ATRNL1: variants seen among roughly 807,000 people sequenced by gnomAD.
The protein encoded by ATRNL1 is attractin-like protein 1.
ATRNL1 carries 95 observed loss-of-function variants against 182.7 expected under a neutral mutation model. That is an observed-to-expected ratio of 0.52 (90% CI 0.44 to 0.62). The LOEUF (loss-of-function observed/expected upper bound fraction) is 0.62. ATRNL1 is among the 20% of genes least tolerant of loss of function. The pLI, the probability that ATRNL1 is intolerant of heterozygous loss-of-function variation, is 0.00. For missense variants in ATRNL1, 1,471 were observed against 1,679.5 expected (o/e 0.88, Z 2.17); for synonymous variants, 576 against 568.3 (o/e 1.01, Z -0.19).
chr10:115,298,681 G>A (rs941481909), intron 15 of ATRNL1, among the ~76,000 whole-genome samples: 1 of 152,204 alleles, frequency 6.6e-6, no homozygotes, highest in Non-Finnish European at 1.5e-5. Flanking sequence ...GAAGCAGCAT[G>A]TGTGTTTTTA....
At chr10:115,702,184 A>G (rs1304813892) in intron 26 of ATRNL1, among the ~76,000 whole-genome samples, 1 of 152,006 alleles carries the variant, frequency 6.6e-6, no homozygotes, top group Non-Finnish European at 1.5e-5. Flanking sequence ...GATCATCTCA[A>G]TAGACACCAA....
intron 28 of ATRNL1, among the ~76,000 whole-genome samples, chr10:115,906,190 C>T (rs1364559059): frequency 1.3e-5 from 2 of 152,012 alleles, no homozygotes; most frequent in African/African-American, 4.8e-5. Context: ...ATAATTATAA[C>T]TTATATTTAC....
intron 5 of ATRNL1, among the ~76,000 whole-genome samples, chr10:115,134,665 A>G (rs1554876168): frequency 6.6e-6 from 1 of 152,172 alleles, no homozygotes; most frequent in Non-Finnish European, 1.5e-5. Context: ...AAAAGAGGGA[A>G]TCCTCCCTAA....
chr10:115,718,812 G>A (rs980941524), intron 26 of ATRNL1, among the ~76,000 whole-genome samples: 5 of 152,188 alleles, frequency 3.3e-5, no homozygotes, highest in Non-Finnish European at 7.3e-5. Flanking sequence ...GGCTACATAA[G>A]TACTTCCTCC....
chr10:115,254,847 T>G (rs2133852565), intron 10 of ATRNL1, among the ~76,000 whole-genome samples: 1 of 152,320 alleles, frequency 6.6e-6, no homozygotes, highest in East Asian at 1.9e-4. Flanking sequence ...TTCAGCTTTC[T>G]ACATATGGCT....
At chr10:115,774,394 C>A (rs1386023221) in intron 27 of ATRNL1, among the ~76,000 whole-genome samples, 1 of 140,714 alleles carries the variant, frequency 7.1e-6, no homozygotes, top group Admixed American at 7.6e-5. Context: ...CACTGCACTC[C>A]AGCCTGGGCG....
At chr10:115,167,924 T>A (rs1188676166) in intron 7 of ATRNL1, among the ~76,000 whole-genome samples, 1 of 152,086 alleles carries the variant, frequency 6.6e-6, no homozygotes, top group Non-Finnish European at 1.5e-5. Context: ...AGTTGTGTAA[T>A]CACTTTTAGA....
intron 26 of ATRNL1, among the ~76,000 whole-genome samples, chr10:115,715,895 C>G (rs782062892): frequency 2.5e-4 from 38 of 152,278 alleles, no homozygotes; most frequent in Non-Finnish European, 4.0e-4. Flanking sequence ...ACTTAGTAAC[C>G]TCCAGTATTC....
At chr10:115,631,594 A>G (rs541871570) in intron 26 of ATRNL1, among the ~76,000 whole-genome samples, 1 of 152,150 alleles carries the variant, frequency 6.6e-6, no homozygotes, top group Non-Finnish European at 1.5e-5. Flanking sequence ...CTCAACAGTA[A>G]CATAATTATA....
At chr10:115,443,716 C>T (rs1277766390) in intron 21 of ATRNL1, among the ~76,000 whole-genome samples, 1 of 151,922 alleles carries the variant, frequency 6.6e-6, no homozygotes, top group South Asian at 2.1e-4. Flanking sequence ...CTTTGGACAT[C>T]GCAATTTTTA....
intron 5 of ATRNL1, among the ~76,000 whole-genome samples, chr10:115,152,902 T>G (rs1846311066): frequency 2.0e-5 from 3 of 152,062 alleles, no homozygotes; most frequent in Non-Finnish European, 4.4e-5. Flanking sequence ...AATACCGAAT[T>G]TATTGAGATT....
intron 26 of ATRNL1, among the ~76,000 whole-genome samples, chr10:115,579,374 A>G (rs1565182569): frequency 2.0e-5 from 3 of 151,776 alleles, no homozygotes; most frequent in African/African-American, 7.2e-5. Flanking sequence ...CTGATCTAAG[A>G]TGCATATATA....
intron 26 of ATRNL1, among the ~76,000 whole-genome samples, chr10:115,582,189 G>A: frequency 1.4e-5 from 2 of 147,746 alleles, no homozygotes; most frequent in Non-Finnish European, 3.0e-5. Context: ...ATTGTAAATA[G>A]TGCCGCAGTA....
Position 115,215,908 on chromosome 10 carries a change from A to G in ATRNL1, c.1532+28A>G, listed in dbSNP as rs374506540. On this transcript the variant is annotated intron_variant, in intron 9 of 28. Transcript: ENST00000355044. Reference sequence around the variant, plus strand: ...GAGTACACAAAATAACACATTTTCTATGTTGCCATTATTATTGTAAATGAT... The same window carrying G: ...GAGTACACAAAATAACACATTTTCTGTGTTGCCATTATTATTGTAAATGAT... The G allele has an allele frequency of 3.3e-4, 475 of 1,428,030 alleles. 1 individual carries two copies. Among genetic ancestry groups the G allele is most frequent in the Non-Finnish European group, 4.2e-4 (447 of 1,076,908 alleles). 88.5% of individuals were successfully genotyped at this position (1,428,030 alleles called of 1,614,324 possible).
intron 21 of ATRNL1, among the ~76,000 whole-genome samples, chr10:115,431,167 G>A (rs1364763360): frequency 6.6e-6 from 1 of 152,112 alleles, no homozygotes; most frequent in Non-Finnish European, 1.5e-5. Context: ...AACACTTTGG[G>A]AGGCCGAGGC....
At position 115,467,176 on chromosome 10, in the gene ATRNL1, G is replaced by T. The variant is rs776297873; in HGVS notation, c.3420G>T (p.Ser1140=). ...AINFIANPEQ[S]NKNLDISINA... ...CTTAATATTTTCTTTTCTGGTAGTC[G>T]AACAAAAATCTGGATATATCAATTA... Residue 1140 remains serine, a splice_region_variant and synonymous_variant, in exon 23 of 29, where the codon TCG becomes TCT. Coordinates refer to ENST00000355044, the MANE Select transcript of ATRNL1 (RefSeq NM_207303.4). 2 of 1,597,400 alleles carry T rather than the reference G, an allele frequency of 1.3e-6. No homozygotes were observed. Among genetic ancestry groups the T allele is most frequent in the African/African-American group, 1.4e-5 (1 of 73,880 alleles).
chr10:115,255,688 G>A (rs1460825730), intron 10 of ATRNL1, among the ~76,000 whole-genome samples: 1 of 152,168 alleles, frequency 6.6e-6, no homozygotes, highest in African/African-American at 2.4e-5. Flanking sequence ...AAGAGGAGTG[G>A]TGAGAGAGGG....
chr10:115,785,346 C>A (rs556294451), intron 27 of ATRNL1, among the ~76,000 whole-genome samples: 2 of 152,322 alleles, frequency 1.3e-5, no homozygotes, highest in East Asian at 3.9e-4. Flanking sequence ...ATCTTGTGGG[C>A]CTTTGTTGGG....
intron 27 of ATRNL1, among the ~76,000 whole-genome samples, chr10:115,773,161 G>C (rs2960687): frequency 0.71 from 107,211 of 152,006 alleles, 38,333 homozygotes; most frequent in Admixed American, 0.79. Flanking sequence ...ACAGTTGTCA[G>C]CTCAAATATT....
Sources: gnomAD v4.1 joint callset for allele counts (sites outside exome capture counted in the v4.1 genomes callset) on GRCh38, gnomAD v4.1.1 for gene constraint, MANE v1.5 for transcripts, NCBI Gene and HGNC (gene_info 2026-07-23, HGNC 2026-07-21) for gene names.